Variants in IQGAP2 observed in about 807,000 individuals in gnomAD.
IQGAP2 encodes the protein IQ motif containing GTPase activating protein 2.
Under a neutral mutation model 201.3 loss-of-function variants are expected in IQGAP2, and 173 were observed. The ratio of observed to expected loss-of-function variants is 0.86; its 90% confidence interval spans 0.76 to 0.98. The LOEUF (loss-of-function observed/expected upper bound fraction) is 0.98. Among genes scored for constraint, IQGAP2 ranks in the 50% least tolerant of loss-of-function variants. IQGAP2 has a pLI of 0.00. For synonymous variants in IQGAP2, 675 were observed against 673.9 expected (o/e 1.00, Z -0.03); for missense variants, 1,687 against 1,864.8 (o/e 0.90, Z 1.76).
intron 17 of IQGAP2, among the ~76,000 whole-genome samples, chr5:76,648,091 A>G (rs1164682357): frequency 6.6e-6 from 1 of 152,064 alleles, no homozygotes; most frequent in Non-Finnish European, 1.5e-5. Flanking sequence ...CAGTTGGTCA[A>G]TGGAGGCCAC....
chr5:76,467,751 A>C (rs1295372661), intron 2 of IQGAP2, among the ~76,000 whole-genome samples: 1 of 152,230 alleles, frequency 6.6e-6, no homozygotes, highest in Non-Finnish European at 1.5e-5. Flanking sequence ...CTACCCACTG[A>C]TAAACGGTGA....
At chr5:76,571,086 C>A (rs1222258013) in intron 4 of IQGAP2, among the ~76,000 whole-genome samples, 3 of 147,414 alleles carry the variant, frequency 2.0e-5, no homozygotes, top group East Asian at 2.1e-4. Context: ...CATGGCAAGA[C>A]CCTGTCTCTA....
chr5:76,549,740 A>G (rs1743321735), intron 2 of IQGAP2, among the ~76,000 whole-genome samples: 1 of 152,142 alleles, frequency 6.6e-6, no homozygotes, highest in African/African-American at 2.4e-5. Context: ...ATGAGCGTTC[A>G]GCCCTGGGAG....
At chr5:76,519,617 T>C (rs1307740368) in intron 2 of IQGAP2, among the ~76,000 whole-genome samples, 2 of 152,232 alleles carry the variant, frequency 1.3e-5, no homozygotes, top group Non-Finnish European at 2.9e-5. Context: ...CAAACCATTT[T>C]CCAGGATGGC....
chr5:76,509,521 C>T (rs530790563), intron 2 of IQGAP2, among the ~76,000 whole-genome samples: 11 of 152,018 alleles, frequency 7.2e-5, no homozygotes, highest in South Asian at 4.2e-4. Context: ...CTCAGCCTCC[C>T]GAGTAGACTA....
At chr5:76,590,328 G>A in intron 7 of IQGAP2, 80 bp from the exon 8 acceptor site, 1 of 1,127,078 alleles carries the variant, frequency 8.9e-7, no homozygotes. Flanking sequence ...AACTGCTTGA[G>A]TTTACACAGG....
intron 8 of IQGAP2, among the ~76,000 whole-genome samples, chr5:76,591,910 G>T (rs1253988757): frequency 6.6e-6 from 1 of 152,122 alleles, no homozygotes; most frequent in African/African-American, 2.4e-5. Flanking sequence ...CAGAATGATG[G>T]CCGGGTTTGT....
chr5:76,422,180 G>A (rs1181802779), intron 1 of IQGAP2, among the ~76,000 whole-genome samples: 4 of 152,218 alleles, frequency 2.6e-5, no homozygotes, highest in African/African-American at 9.7e-5. Flanking sequence ...CTCTAGAATG[G>A]TGGTGCTTAA....
At chr5:76,499,520 T>C (rs762903894) in intron 2 of IQGAP2, among the ~76,000 whole-genome samples, 3 of 152,180 alleles carry the variant, frequency 2.0e-5, no homozygotes, top group Non-Finnish European at 4.4e-5. Context: ...TTCTCTGAGC[T>C]CTTTGGGCCA....
At chr5:76,454,611 A>G (rs1169347946) in intron 1 of IQGAP2, among the ~76,000 whole-genome samples, 2 of 151,950 alleles carry the variant, frequency 1.3e-5, no homozygotes, top group Non-Finnish European at 2.9e-5. Context: ...GTCCCTACAA[A>G]GGACATGAAC....
intron 1 of IQGAP2, among the ~76,000 whole-genome samples, chr5:76,455,429 G>T (rs1393497218): frequency 2.1e-5 from 3 of 143,858 alleles, no homozygotes; most frequent in African/African-American, 7.9e-5. Flanking sequence ...CTCCAGCCTG[G>T]GCAACAAGAG....
intron 11 of IQGAP2, among the ~76,000 whole-genome samples, chr5:76,605,064 C>G (rs1747707797): frequency 6.6e-6 from 1 of 152,062 alleles, no homozygotes; most frequent in Admixed American, 6.6e-5. Context: ...CTTCATTGCC[C>G]TGGTGCAAAG....
intron 2 of IQGAP2, among the ~76,000 whole-genome samples, chr5:76,528,044 A>G (rs957331416): frequency 6.6e-6 from 1 of 152,166 alleles, no homozygotes. Context: ...CTGGCCATCT[A>G]GACCTCAGGT....
At chr5:76,629,102 A>C (rs1750487763) in intron 14 of IQGAP2, among the ~76,000 whole-genome samples, 1 of 152,218 alleles carries the variant, frequency 6.6e-6, no homozygotes, top group African/African-American at 2.4e-5. Flanking sequence ...TATAAAAGTA[A>C]GAGGATTTCT....
In IQGAP2 at chr5:76,693,406, G is replaced by A. The variant is rs929494741; in HGVS notation, c.3957G>A (p.Leu1319=). ...DVIRNQPGNT[L]TEILETPATA... ...TCCGGAACCAGCCAGGGAACACATT[G>A]ACAGAAATCTTAGAGACACCAGCAA... Residue 1319 remains leucine, a synonymous_variant, in exon 31 of 36, where the codon TTG becomes TTA. Transcript: ENST00000274364. 8 of 1,613,714 alleles carry A rather than the reference G, an allele frequency of 5.0e-6. No individual in the cohort carries two copies. Among genetic ancestry groups the A allele is most frequent in the Non-Finnish European group, 5.9e-6 (7 of 1,179,794 alleles).
chr5:76,444,217 C>T (rs529064672), intron 1 of IQGAP2, among the ~76,000 whole-genome samples: 7 of 152,252 alleles, frequency 4.6e-5, no homozygotes, highest in Non-Finnish European at 1.0e-4. Context: ...GAGACCCTGT[C>T]TCTATTTAAA....
At chr5:76,438,692 C>G (rs979630977) in intron 1 of IQGAP2, among the ~76,000 whole-genome samples, 2 of 152,166 alleles carry the variant, frequency 1.3e-5, no homozygotes, top group African/African-American at 2.4e-5. Flanking sequence ...ATCTACCCAC[C>G]TTGGCCTCCC....
intron 30 of IQGAP2, among the ~76,000 whole-genome samples, chr5:76,685,126 C>A (rs1223264396): frequency 6.6e-6 from 1 of 152,156 alleles, no homozygotes; most frequent in Non-Finnish European, 1.5e-5. Context: ...CTAGGACTCA[C>A]CCTTGGCCTC....
rs1056000188 is a variant in IQGAP2 at position 76,674,280 on chromosome 5, CTT to C, written c.3295-195_3295-194del. On this transcript the variant is annotated intron_variant, in intron 26 of 35. Coordinates refer to ENST00000274364, the MANE Select transcript of IQGAP2 (RefSeq NM_006633.5). The stretch of plus-strand genomic sequence containing the variant: ...ATGAGCATTTTTTCATCAAAAATAA[CTT>C]TGCAAATTATGCTATTAATAATGTG... Among the ~76,000 whole-genome samples, 9 of 152,154 alleles carry C rather than the reference CTT, an allele frequency of 5.9e-5. No homozygotes were observed. The South Asian group carries it at 1.4e-3, about 25-fold the overall frequency.
Sources: gnomAD v4.1 joint callset for allele counts (sites outside exome capture counted in the v4.1 genomes callset) on GRCh38, gnomAD v4.1.1 for gene constraint, MANE v1.5 for transcripts, NCBI Gene and HGNC (gene_info 2026-07-23, HGNC 2026-07-21) for gene names.